Variants in KIF26B observed in about 807,000 individuals in gnomAD.
The protein encoded by KIF26B is kinesin family member 26B, also known as kinesin-like protein KIF26B.
In KIF26B, 63 loss-of-function variants were observed where a neutral mutation model predicts 151.2. That is an observed-to-expected ratio of 0.42 (90% CI 0.34 to 0.51). The LOEUF (loss-of-function observed/expected upper bound fraction) is 0.51, where lower values mean the gene tolerates loss of function less well. KIF26B is among the 20% of genes least tolerant of loss of function. The probability of loss-of-function intolerance (pLI) is 0.07; values close to 1 mark genes in which losing one functional copy is unlikely to be tolerated. For missense variants in KIF26B, 2,813 were observed against 2,913.6 expected (o/e 0.97, Z 0.79); for synonymous variants, 1,357 against 1,262.1 (o/e 1.08, Z -1.59).
intron 9 of KIF26B, among the ~76,000 whole-genome samples, chr1:245,616,352 C>T (rs1406482321): frequency 6.6e-6 from 1 of 152,202 alleles, no homozygotes; most frequent in African/African-American, 2.4e-5. Flanking sequence ...TGAGAGCCTC[C>T]TCGGGAATCC....
intron 10 of KIF26B, chr1:245,676,421 G>C (rs888892805): frequency 1.3e-5 from 2 of 152,246 alleles, no homozygotes; most frequent in Non-Finnish European, 2.9e-5. Context: ...CATTGCAAGC[G>C]AGTCTTGTTC....
chr1:245,613,636 G>A (rs2043552044), intron 9 of KIF26B, among the ~76,000 whole-genome samples: 1 of 152,086 alleles, frequency 6.6e-6, no homozygotes, highest in Non-Finnish European at 1.5e-5. Flanking sequence ...TGGGATCTAT[G>A]GACAGGCTCC....
chr1:245,171,689 A>G (rs1668712023), intron 2 of KIF26B, among the ~76,000 whole-genome samples: 1 of 152,222 alleles, frequency 6.6e-6, no homozygotes, highest in Non-Finnish European at 1.5e-5. Flanking sequence ...ATAATCATAG[A>G]ACGATGGCAT....
At chr1:245,237,886 C>T (rs747310650) in intron 2 of KIF26B, among the ~76,000 whole-genome samples, 5 of 151,722 alleles carry the variant, frequency 3.3e-5, no homozygotes, top group South Asian at 2.1e-4. Flanking sequence ...ATTAATCAGG[C>T]GTGGTGACAT....
intron 4 of KIF26B, among the ~76,000 whole-genome samples, chr1:245,463,777 G>A (rs1659705534): frequency 6.6e-6 from 1 of 152,314 alleles, no homozygotes; most frequent in East Asian, 1.9e-4. Context: ...TGTTGTATGA[G>A]TTTAGTTTAA....
intron 2 of KIF26B, among the ~76,000 whole-genome samples, chr1:245,219,101 A>G (rs1247571857): frequency 7.0e-6 from 1 of 143,742 alleles, no homozygotes; most frequent in East Asian, 2.2e-4. Flanking sequence ...CATTGTCATC[A>G]CACAGGAGGT....
chr1:245,687,858 C>A lies in KIF26B; in HGVS notation c.4875C>A (p.Ser1625Arg), dbSNP rs1250748627. ...GTGCCAGCGGCAGCGGCACCAGCAGCCCCCTGAACCAACCAGCCGCCTTCC... is the reference window on the plus strand; with the variant it reads ...GTGCCAGCGGCAGCGGCACCAGCAGACCCCTGAACCAACCAGCCGCCTTCC... The part of the protein sequence containing the change: ...QHSASGSGTS[S>R]PLNQPAAFPA... Residue 1625 changes from serine to arginine, a missense_variant, in exon 12 of 15, where the codon AGC (serine) becomes AGA (arginine). Physicochemically the swap from Ser to Arg is moderately radical, Grantham distance 110. Around this residue, in one of 3 missense-constraint regions of KIF26B, gnomAD observed 2,060 missense variants for 2,088.6 expected, o/e 0.99. Coordinates refer to ENST00000407071, the MANE Select transcript of KIF26B (RefSeq NM_018012.4). This position sits in a 1 kb window ranked among gnomAD's most constrained non-coding sequence, Gnocchi z 4.9. 1 of 1,592,860 alleles carries A rather than the reference C, an allele frequency of 6.3e-7. No individual in the cohort carries two copies. Among genetic ancestry groups the A allele is most frequent in the East Asian group, 2.3e-5 (1 of 43,486 alleles).
At chr1:245,200,366 A>G (rs1669276047) in intron 2 of KIF26B, among the ~76,000 whole-genome samples, 1 of 152,166 alleles carries the variant, frequency 6.6e-6, no homozygotes, top group Non-Finnish European at 1.5e-5. Context: ...AAATATTTAA[A>G]TCTTCTGCAG....
At chr1:245,478,589 T>G (rs1660094254) in intron 4 of KIF26B, among the ~76,000 whole-genome samples, 1 of 151,576 alleles carries the variant, frequency 6.6e-6, no homozygotes, top group Non-Finnish European at 1.5e-5. Context: ...GCTAATTTTT[T>G]ATATTTGTAG....
chr1:245,525,646 T>C (rs1661222647), intron 4 of KIF26B, among the ~76,000 whole-genome samples: 1 of 152,250 alleles, frequency 6.6e-6, no homozygotes, highest in Non-Finnish European at 1.5e-5. Context: ...TAACATGAGT[T>C]ACATTCTATC....
At chr1:245,334,013 C>G (rs1214010096) in intron 2 of KIF26B, among the ~76,000 whole-genome samples, 1 of 151,732 alleles carries the variant, frequency 6.6e-6, no homozygotes, top group African/African-American at 2.4e-5. Context: ...AAAAAAAAAT[C>G]TCCTCTACGA....
rs556631347 is a variant in KIF26B at position 245,166,971 on chromosome 1, T to C, written c.465+10288T>C. ...CTGAGGGTAGAGTAAGTATTATTAA[T>C]TTTTTAAATATGCAGAACGATAAAT... On this transcript the variant is annotated intron_variant, in intron 2 of 14. Coordinates refer to ENST00000407071, the MANE Select transcript of KIF26B (RefSeq NM_018012.4). The surrounding 1 kb of genome is among the most constrained non-coding windows in gnomAD (Gnocchi z 4.5). Among the ~76,000 whole-genome samples, 3 of 152,344 alleles carry C rather than the reference T, an allele frequency of 2.0e-5. No individual in the cohort carries two copies. Among genetic ancestry groups the C allele is most frequent in the African/African-American group, 7.2e-5 (3 of 41,586 alleles).
At chr1:245,301,131 G>A (rs990217704) in intron 2 of KIF26B, among the ~76,000 whole-genome samples, 14 of 152,150 alleles carry the variant, frequency 9.2e-5, no homozygotes, top group Admixed American at 4.6e-4. Context: ...ACGCTCGGCC[G>A]AGGCACAAAT....
chr1:245,640,143 C>CTCTCTATATATATATATATA, intron 9 of KIF26B, among the ~76,000 whole-genome samples: 4 of 31,924 alleles, frequency 1.3e-4, no homozygotes, highest in African/African-American at 5.6e-4. Context: ...CTCTCTCTCT[C>CTCTCTATATATATATATATA]TATATATATA....
intron 4 of KIF26B, among the ~76,000 whole-genome samples, chr1:245,505,294 G>C (rs1446253121): frequency 6.6e-6 from 1 of 151,666 alleles, no homozygotes; most frequent in African/African-American, 2.4e-5. Context: ...GACTATTCCA[G>C]ATAGTGTCAG....
chr1:245,541,827 C>T (rs1028120849), intron 5 of KIF26B, among the ~76,000 whole-genome samples: 7 of 152,234 alleles, frequency 4.6e-5, no homozygotes, highest in East Asian at 1.9e-4. Context: ...TTGTTCAGTT[C>T]GCAGACTGCC....
intron 4 of KIF26B, among the ~76,000 whole-genome samples, chr1:245,511,700 A>G (rs1342851897): frequency 6.6e-6 from 1 of 152,158 alleles, no homozygotes; most frequent in African/African-American, 2.4e-5. Context: ...TCTAGAGTAC[A>G]ATGTCTGGTC....
intron 4 of KIF26B, among the ~76,000 whole-genome samples, chr1:245,536,189 G>A (rs1342614177): frequency 2.0e-5 from 3 of 152,152 alleles, no homozygotes; most frequent in African/African-American, 4.8e-5. Flanking sequence ...TTCTCCTCAC[G>A]AGGGCTTCTG....
chr1:245,234,506 A>T (rs1670066353), intron 2 of KIF26B: 1 of 152,392 alleles, frequency 6.6e-6, no homozygotes, highest in Non-Finnish European at 1.5e-5. Context: ...TTCTGCGTGC[A>T]GGGAGGGATG....
Sources: allele counts gnomAD v4.1 joint callset (sites outside exome capture counted in the v4.1 genomes callset), GRCh38; gene constraint gnomAD v4.1.1; regional missense constraint gnomAD v4.1.1; non-coding constraint Gnocchi (gnomAD v3.1); transcripts MANE v1.5; gene names NCBI Gene and HGNC (gene_info 2026-07-23, HGNC 2026-07-21).